P2RY8: variants seen among roughly 807,000 people sequenced by gnomAD.
P2RY8 encodes S-geranylgeranyl-glutathione receptor P2RY8.
A neutral mutation model predicts 10.0 loss-of-function variants in P2RY8; 6 were observed. The observed-to-expected ratio is 0.60, with a 90% CI of 0.33 to 1.19. P2RY8 has a LOEUF of 1.19. P2RY8 is among the 50% of genes most tolerant of loss of function. The probability of loss-of-function intolerance (pLI) is 0.04; values close to 1 mark genes in which losing one functional copy is unlikely to be tolerated. For synonymous variants in P2RY8, 276 were observed against 252.5 expected (o/e 1.09, Z -0.88); for missense variants, 456 against 542.0 (o/e 0.84, Z 1.58).
intron 1 of P2RY8, among the ~76,000 whole-genome samples, chrX:1,533,653 ATATT>A (rs1467480567): frequency 4.7e-5 from 6 of 126,478 alleles, no homozygotes; most frequent in Admixed American, 2.5e-4. Flanking sequence ...TATTATTTAC[ATATT>A]TATTATTTAA....
chrX:1,525,551 C>A (rs1385065295), intron 1 of P2RY8, among the ~76,000 whole-genome samples: 1 of 152,110 alleles, frequency 6.6e-6, no homozygotes, highest in Non-Finnish European at 1.5e-5. Context: ...TGCATTAATT[C>A]GGGGCAATTG....
rs2091671696 is a variant in P2RY8, at chrX:1,466,126, C to T, written c.433G>A (p.Ala145Thr). 6.2e-7 allele frequency: 1 copy of T among 1,611,606 alleles called. No individual in the cohort carries two copies. Among genetic ancestry groups the T allele is most frequent in the Non-Finnish European group, 8.5e-7 (1 of 1,179,402 alleles). Residue 145 changes from alanine (A) to threonine (T), a missense_variant, in exon 2 of 2, where the codon GCA becomes ACA. Coordinates refer to ENST00000381297, the MANE Select transcript of P2RY8 (RefSeq NM_178129.5). ...GTCAGGAGCAGCAGCCAGGTCCCTG[C>T]ACACGCGGCCACCGCGTAACGACGG... The part of the protein sequence containing the change: ...RRRRYAVAAC[A>T]GTWLLLLTAL...
At chrX:1,508,597 T>C (rs2092255795) in intron 1 of P2RY8, among the ~76,000 whole-genome samples, 1 of 142,168 alleles carries the variant, frequency 7.0e-6, no homozygotes, top group Non-Finnish European at 1.6e-5. Context: ...TCTATCTGTC[T>C]AGCCATCTAT....
intron 1 of P2RY8, among the ~76,000 whole-genome samples, chrX:1,519,795 C>A (rs2092377553): frequency 6.6e-6 from 1 of 151,840 alleles, no homozygotes; most frequent in Non-Finnish European, 1.5e-5. Context: ...CTCCCTAGTT[C>A]CCAATATTTT....
chrX:1,518,883 A>G (rs1278375675), intron 1 of P2RY8, among the ~76,000 whole-genome samples: 1 of 151,986 alleles, frequency 6.6e-6, no homozygotes, highest in Non-Finnish European at 1.5e-5. Flanking sequence ...CCAATATTTT[A>G]TCTGGTCTGC....
intron 1 of P2RY8, among the ~76,000 whole-genome samples, chrX:1,496,248 T>C (rs1292698713): frequency 6.6e-6 from 1 of 152,190 alleles, no homozygotes; most frequent in Non-Finnish European, 1.5e-5. Context: ...GGCTTCTCCC[T>C]GCTGTTGAAT....
Position 1,466,115 on chromosome X carries a change from C to G in P2RY8, c.444G>C (p.Trp148Cys). 1.2e-6 allele frequency: 2 copies of G among 1,611,770 alleles called. No individual in the cohort carries two copies. The highest frequency in any genetic ancestry group is 1.7e-6 in the Non-Finnish European group (2 of 1,179,524). Residue 148 changes from tryptophan to cysteine, a missense_variant, in exon 2 of 2, where the codon TGG becomes TGC. Coordinates refer to ENST00000381297, the MANE Select transcript of P2RY8 (RefSeq NM_178129.5). ...GGGACAGGGCGGTCAGGAGCAGCAG[C>G]CAGGTCCCTGCACACGCGGCCACCG... Reference protein sequence around the residue: ...RYAVAACAGTWLLLLTALSPL... With the variant: ...RYAVAACAGTCLLLLTALSPL...
intron 1 of P2RY8, among the ~76,000 whole-genome samples, chrX:1,533,706 C>T (rs1200809627): frequency 6.8e-5 from 8 of 118,074 alleles, no homozygotes; most frequent in Middle Eastern, 0.01. Flanking sequence ...ATATTATATA[C>T]TTATATATTC....
At chrX:1,486,458 C>T (rs1391919431) in intron 1 of P2RY8, among the ~76,000 whole-genome samples, 23 of 152,166 alleles carry the variant, frequency 1.5e-4, no homozygotes, top group African/African-American at 5.5e-4. Context: ...GGGAGAGAAG[C>T]CAGACACAGA....
In P2RY8 at chrX:1,465,315, C is replaced by T; in HGVS notation, c.*164G>A. ...AGACCCTTCCTCACCGGTGCCTCTG[C>T]AGTGCCTGGGAGGAATAAAGCCTGG... On this transcript the variant is annotated 3_prime_UTR_variant, in exon 2 of 2. Coordinates refer to ENST00000381297, the MANE Select transcript of P2RY8 (RefSeq NM_178129.5). 5 of 1,171,768 alleles carry T rather than the reference C, an allele frequency of 4.3e-6. No homozygotes were observed. Among genetic ancestry groups the T allele is most frequent in the Non-Finnish European group, 4.7e-6 (4 of 854,850 alleles). The allele number at this position is 1,171,768 out of a possible 1,614,324, so 72.6% of individuals were successfully genotyped here.
chrX:1,466,658 G>A, intron 1 of P2RY8, 76 bp from the exon 2 acceptor site: 2 of 1,403,370 alleles, frequency 1.4e-6, no homozygotes, highest in South Asian at 1.3e-5. Context: ...GCTCCTGAGC[G>A]CCGCTCCCCG....
chrX:1,509,827 ATCTATCTATCTC>A (rs1459290515), intron 1 of P2RY8, among the ~76,000 whole-genome samples: 1 of 144,618 alleles, frequency 6.9e-6, no homozygotes. Flanking sequence ...CTATCTATCT[ATCTATCTATCTC>A]TATTATCTAT....
chrX:1,473,489 G>A, intron 1 of P2RY8, among the ~76,000 whole-genome samples: 1 of 144,616 alleles, frequency 6.9e-6, no homozygotes, highest in East Asian at 2.2e-4. Flanking sequence ...GGATGAGTAG[G>A]TGGATGACTG....
intron 1 of P2RY8, among the ~76,000 whole-genome samples, chrX:1,475,561 A>G (rs1309829617): frequency 6.6e-6 from 1 of 152,218 alleles, no homozygotes; most frequent in East Asian, 1.9e-4. Context: ...ATACACCGAG[A>G]AAAGAGAGGA....
intron 1 of P2RY8, among the ~76,000 whole-genome samples, chrX:1,530,555 GTATC>G (rs202207083): frequency 0.029 from 4,382 of 149,118 alleles, 230 homozygotes; most frequent in African/African-American, 0.1. Flanking sequence ...TTCTATCTAT[GTATC>G]TATCTATCTG....
chrX:1,514,950 C>T (rs1444301492), intron 1 of P2RY8, among the ~76,000 whole-genome samples: 9 of 138,284 alleles, frequency 6.5e-5, no homozygotes, highest in Non-Finnish European at 3.1e-5. Flanking sequence ...GCTGTCCTGG[C>T]TGAAGTGCGG....
Position 1,466,302 on chromosome X carries a change from C to T in P2RY8, c.257G>A (p.Arg86His), listed in dbSNP as rs2149370348. ...CAGCACCCCGAATACCCAGTGGTGG[C>T]GGTTGCAATGGTAGTAGATTTGGAA... is the stretch of plus-strand genomic sequence containing the variant. Reference protein sequence around the residue: ...LPFQIYYHCNRHHWVFGVLLC... With the variant: ...LPFQIYYHCNHHHWVFGVLLC... The change falls in exon 2 of 2, where the codon CGC becomes CAC. Residue 86 changes from arginine to histidine, a missense_variant. Transcript: ENST00000381297. 1.9e-6 allele frequency: 3 copies of T among 1,613,794 alleles called. No homozygotes were observed. The highest frequency in any genetic ancestry group is 2.5e-6 in the Non-Finnish European group (3 of 1,179,842).
intron 1 of P2RY8, among the ~76,000 whole-genome samples, chrX:1,471,309 ATTT>A (rs1159260456): frequency 1.0e-5 from 1 of 100,026 alleles, no homozygotes. Context: ...CGCCCAGCCC[ATTT>A]TTTTTTTTTT....
At chrX:1,529,802 C>T (rs2092460714) in intron 1 of P2RY8, among the ~76,000 whole-genome samples, 1 of 152,032 alleles carries the variant, frequency 6.6e-6, no homozygotes, top group South Asian at 2.1e-4. Flanking sequence ...ATTTATCTCT[C>T]ATCTCTATCA....
Sources: allele counts gnomAD v4.1 joint callset (sites outside exome capture counted in the v4.1 genomes callset), GRCh38; gene constraint gnomAD v4.1.1; transcripts MANE v1.5; gene names NCBI Gene and HGNC (gene_info 2026-07-23, HGNC 2026-07-21).